LPCAT1: variants seen among roughly 807,000 people sequenced by gnomAD.
LPCAT1 encodes the protein lysophosphatidylcholine acyltransferase 1.
In LPCAT1, 23 loss-of-function variants were observed where a neutral mutation model predicts 60.9. That is an observed-to-expected ratio of 0.38 (90% confidence interval 0.27 to 0.53). The LOEUF (loss-of-function observed/expected upper bound fraction) is 0.53, where lower values mean the gene tolerates loss of function less well. LPCAT1 is among the 20% of genes least tolerant of loss of function. The probability of loss-of-function intolerance (pLI) is 0.82; values close to 1 mark genes in which losing one functional copy is unlikely to be tolerated. For missense variants in LPCAT1, 622 were observed against 723.6 expected, an observed-to-expected ratio of 0.86 and a Z score of 1.61; for synonymous variants, 340 against 301.1, an observed-to-expected ratio of 1.13 and a Z score of -1.34.
rs752244399 is a variant in LPCAT1 at position 1,502,648 on chromosome 5, G to A, written c.136-1045C>T. Among the ~76,000 whole-genome samples the A allele has an allele frequency of 3.3e-5, 5 of 152,152 alleles. No individual in the cohort carries two copies. Among genetic ancestry groups the A allele is most frequent in the African/African-American group, 1.2e-4 (5 of 41,430 alleles). On this transcript the variant is annotated intron_variant, in intron 1 of 13. Coordinates refer to ENST00000283415, the MANE Select transcript of LPCAT1 (RefSeq NM_024830.5). This position sits in a 1 kb window ranked among gnomAD's most constrained non-coding sequence, Gnocchi z 5.5. ...CGGGCAGGACTCCGTGTAGAGGGGC[G>A]GGAGGCTTTGGGTGAGGGGAAACAC...
chr5:1,490,511 C>T (rs756341205), intron 3 of LPCAT1, among the ~76,000 whole-genome samples: 74 of 152,266 alleles, frequency 4.9e-4, no homozygotes, highest in Non-Finnish European at 8.5e-4. Context: ...CCGGGAGGGC[C>T]GAGGGAGCTT....
rs1735716678 is a variant in LPCAT1, at chr5:1,494,746, G to A, written c.447C>T (p.Ser149=). The A allele has an allele frequency of 6.2e-7, 1 of 1,614,108 alleles. No homozygotes were observed. The highest frequency in any genetic ancestry group is 2.2e-5 in the East Asian group (1 of 44,896). ...TGCTCTCTGCCTTCATCACGATGGA[G>A]GACATCGTCATGGTCACAGGGATGG... ...FDAIPVTMTM[S]SIVMKAESRD... The change falls in exon 3 of 14, where the codon TCC becomes TCT. Residue 149 remains serine, a synonymous_variant. Coordinates refer to ENST00000283415, the MANE Select transcript of LPCAT1 (RefSeq NM_024830.5).
intron 11 of LPCAT1, among the ~76,000 whole-genome samples, chr5:1,471,766 T>G (rs1734676886): frequency 1.4e-5 from 2 of 142,540 alleles, no homozygotes; most frequent in Admixed American, 6.9e-5. Flanking sequence ...GCACACAGGA[T>G]AGGGGGGAGG....
Position 1,481,033 on chromosome 5 carries a change from A to C in LPCAT1, c.727-57T>G, listed in dbSNP as rs2447846. On this transcript the variant is annotated intron_variant, in intron 6 of 13. Transcript: ENST00000283415. The surrounding 1 kb of genome is among the most constrained non-coding windows in gnomAD (Gnocchi z 7.8). Reference sequence around the variant, plus strand: ...GGGGCCTGCACCCAGGGCCTGCACCAAGCACCTGCGTGTGCCGGCCTCTCC... The same window carrying C: ...GGGGCCTGCACCCAGGGCCTGCACCCAGCACCTGCGTGTGCCGGCCTCTCC... 0.41 allele frequency: 506,801 copies of C among 1,242,414 alleles called. 85,211 individuals are homozygous for C. Among genetic ancestry groups the C allele is most frequent in the African/African-American group, 0.63 (39,043 of 62,234 alleles). 77.0% of individuals were successfully genotyped at this position (1,242,414 alleles called of 1,614,324 possible).
intron 4 of LPCAT1, among the ~76,000 whole-genome samples, chr5:1,488,773 C>T (rs1035655659): frequency 2.0e-5 from 3 of 152,226 alleles, no homozygotes; most frequent in Non-Finnish European, 4.4e-5. Context: ...ATATAACCCA[C>T]GGTTGGCACA....
chr5:1,466,605 T>C, intron 13 of LPCAT1, 144 bp downstream of exon 13: 2 of 830,168 alleles, frequency 2.4e-6, no homozygotes, highest in Non-Finnish European at 3.4e-6. Context: ...TTCTCAGGGG[T>C]TTCTTTGTTA....
intron 12 of LPCAT1, 67 bp from the exon 13 acceptor site, chr5:1,466,957 A>G: frequency 1.4e-6 from 2 of 1,414,138 alleles, no homozygotes; most frequent in East Asian, 2.6e-5. Flanking sequence ...CTGTCCAGGG[A>G]CACCCCAGCG....
chr5:1,471,861 C>T (rs1734684154), intron 11 of LPCAT1, among the ~76,000 whole-genome samples: 1 of 146,410 alleles, frequency 6.8e-6, no homozygotes, highest in Non-Finnish European at 1.5e-5. Flanking sequence ...CACCCAGAGG[C>T]AAAGGAAGGA....
intron 1 of LPCAT1, among the ~76,000 whole-genome samples, chr5:1,514,237 C>A (rs1736438114): frequency 6.6e-6 from 1 of 152,216 alleles, no homozygotes; most frequent in East Asian, 1.9e-4. Flanking sequence ...AGGGGCCCGG[C>A]ACAGGCCAGG....
In LPCAT1 at chr5:1,521,014, G is replaced by A. The variant is rs1027972464; in HGVS notation, c.135+2696C>T. Among the ~76,000 whole-genome samples, 2 of 151,790 alleles carry A rather than the reference G, an allele frequency of 1.3e-5. No homozygotes were observed. Among genetic ancestry groups the A allele is most frequent in the East Asian group, 3.9e-4 (2 of 5,176 alleles). On this transcript the variant is annotated intron_variant, in intron 1 of 13. Coordinates refer to ENST00000283415, the MANE Select transcript of LPCAT1 (RefSeq NM_024830.5). The surrounding 1 kb of genome is among the most constrained non-coding windows in gnomAD (Gnocchi z 4.3). The stretch of plus-strand genomic sequence containing the variant: ...AGAAACCACTTCATGACTCCAAAAC[G>A]ATATATGAATGTGTGACTATGAAGA...
At position 1,487,924 on chromosome 5, in the gene LPCAT1, G is replaced by C. The variant is rs1475180432; in HGVS notation, c.667+467C>G. Among the ~76,000 whole-genome samples, 2 of 152,140 alleles carry C rather than the reference G, an allele frequency of 1.3e-5. No homozygotes were observed. The highest frequency in any genetic ancestry group is 3.8e-4 in the East Asian group (2 of 5,196). On this transcript the variant is annotated intron_variant, in intron 5 of 13. Coordinates refer to ENST00000283415, the MANE Select transcript of LPCAT1 (RefSeq NM_024830.5). The surrounding 1 kb of genome is among the most constrained non-coding windows in gnomAD (Gnocchi z 6.1). ...CCGCGGGAGAGACCCAAGTTCACACGCATTTGAGTCCCCCCTCCCCAGGGA... is the reference window on the plus strand; with the variant it reads ...CCGCGGGAGAGACCCAAGTTCACACCCATTTGAGTCCCCCCTCCCCAGGGA...
intron 1 of LPCAT1, among the ~76,000 whole-genome samples, chr5:1,506,568 G>A (rs924845205): frequency 6.6e-6 from 1 of 152,244 alleles, no homozygotes; most frequent in African/African-American, 2.4e-5. Context: ...TGGCAGAGCT[G>A]CAGAGAGAGA....
chr5:1,509,167 C>T (rs1736278306), intron 1 of LPCAT1, among the ~76,000 whole-genome samples: 1 of 152,276 alleles, frequency 6.6e-6, no homozygotes. Context: ...CGCCCGGAGA[C>T]TCGAAGGCCG....
In LPCAT1 at chr5:1,477,641, C is replaced by G. The variant is rs1333601288; in HGVS notation, c.817-155G>C. Among the ~76,000 whole-genome samples the G allele has an allele frequency of 6.6e-6, 1 of 151,218 alleles. No individual in the cohort carries two copies. Among genetic ancestry groups the G allele is most frequent in the Non-Finnish European group, 1.5e-5 (1 of 68,044 alleles). On this transcript the variant is annotated intron_variant, in intron 8 of 13. Coordinates refer to ENST00000283415, the MANE Select transcript of LPCAT1 (RefSeq NM_024830.5). The surrounding 1 kb of genome is among the most constrained non-coding windows in gnomAD (Gnocchi z 6.0). ...TGTCATGTGCACGTGTGTGTACGCACACACACACCCCCATGATGCATGAAC... is the reference window on the plus strand; with the variant it reads ...TGTCATGTGCACGTGTGTGTACGCAGACACACACCCCCATGATGCATGAAC...
chr5:1,500,876 G>A (rs931909488), intron 2 of LPCAT1, among the ~76,000 whole-genome samples: 2 of 152,220 alleles, frequency 1.3e-5, no homozygotes, highest in African/African-American at 2.4e-5. Flanking sequence ...GGCCCCTCCC[G>A]GGCCCACGGC....
At chr5:1,464,737 CAG>C (rs1389458611) in intron 13 of LPCAT1, among the ~76,000 whole-genome samples, 3 of 143,870 alleles carry the variant, frequency 2.1e-5, no homozygotes, top group East Asian at 2.1e-4. Flanking sequence ...CACATGCACG[CAG>C]ACACACACAC....
chr5:1,496,418 A>C lies in LPCAT1; in HGVS notation c.279-1504T>G, dbSNP rs908944509. Among the ~76,000 whole-genome samples the C allele has an allele frequency of 9.8e-6, 1 of 102,088 alleles. No individual in the cohort carries two copies. The highest frequency in any genetic ancestry group is 2.4e-4 in the East Asian group (1 of 4,182). The allele number at this position is 102,088 out of a possible 152,430, so 67.0% of individuals were successfully genotyped here. A position where few individuals can be genotyped will look rare whatever the true frequency, so the allele number is the denominator to read the frequency against. On this transcript the variant is annotated intron_variant, in intron 2 of 13. Transcript: ENST00000283415. The surrounding 1 kb of genome is among the most constrained non-coding windows in gnomAD (Gnocchi z 4.7). ...CTTCTGTGCACATGTTATTTTCCACAAAAAAAAAAAAAAAGTACAAAAACA... is the reference window on the plus strand; with the variant it reads ...CTTCTGTGCACATGTTATTTTCCACCAAAAAAAAAAAAAAGTACAAAAACA...
rs767146568 is a variant in LPCAT1 at position 1,474,122 on chromosome 5, A to G, written c.1026-12T>C. Reference sequence around the variant, plus strand: ...TTTCTGGTTTTAGCCTAGACAAAAAAAGAGGGAAAGCTTTCTTTTTCAATA... The same window carrying G: ...TTTCTGGTTTTAGCCTAGACAAAAAGAGAGGGAAAGCTTTCTTTTTCAATA... On this transcript the variant is annotated splice_polypyrimidine_tract_variant and intron_variant, in intron 10 of 13. Coordinates refer to ENST00000283415, the MANE Select transcript of LPCAT1 (RefSeq NM_024830.5). 3.1e-6 allele frequency: 5 copies of G among 1,606,668 alleles called. No homozygotes were observed. The highest frequency in any genetic ancestry group is 4.3e-6 in the Non-Finnish European group (5 of 1,175,802).
Position 1,471,050 on chromosome 5 carries a change from T to C in LPCAT1, c.1180-126A>G, listed in dbSNP as rs374659691. The C allele has an allele frequency of 7.0e-4, 496 of 704,424 alleles. 3 individuals are homozygous for C. Among genetic ancestry groups the C allele is most frequent in the African/African-American group, 5.3e-3 (299 of 56,092 alleles). 43.6% of individuals were successfully genotyped at this position (704,424 alleles called of 1,614,324 possible). On this transcript the variant is annotated intron_variant, in intron 11 of 13. Transcript: ENST00000283415. Reference sequence around the variant, plus strand: ...ACTCTCACTCGGGAACATCTGCCCATGTGAAAAGGGAATCTTGGAAGGACA... The same window carrying C: ...ACTCTCACTCGGGAACATCTGCCCACGTGAAAAGGGAATCTTGGAAGGACA...
Sources: gnomAD v4.1 joint callset for allele counts (sites outside exome capture counted in the v4.1 genomes callset) on GRCh38, gnomAD v4.1.1 for gene constraint, Gnocchi (gnomAD v3.1) non-coding constraint, MANE v1.5 for transcripts, NCBI Gene and HGNC (gene_info 2026-07-23, HGNC 2026-07-21) for gene names.